The following CRACR2B variants were observed in gnomAD, a reference collection of about 807,000 sequenced individuals.
CRACR2B encodes the protein EF-hand calcium-binding domain-containing protein 4A.
CRACR2B carries 50 observed loss-of-function variants against 46.0 expected under a neutral mutation model. That is an observed-to-expected ratio of 1.09 (90% CI 0.87 to 1.38). CRACR2B has a LOEUF of 1.38. Ranked by LOEUF, CRACR2B falls within the 40% of genes most tolerant of loss-of-function variation. CRACR2B has a pLI of 0.00. For synonymous variants in CRACR2B, 277 were observed against 239.6 expected (o/e 1.16, Z -1.44); for missense variants, 667 against 535.0 (o/e 1.25, Z -2.43).
In CRACR2B at chr11:828,926, T is replaced by C; in HGVS notation, c.240T>C (p.Thr80=). Residue 80 remains threonine, a synonymous_variant, in exon 2 of 9, where the codon ACT becomes ACC. Coordinates refer to ENST00000525077, the MANE Select transcript of CRACR2B (RefSeq NM_001286606.2). ...AVFESLDRAH[T]GFLTAREFCL... is the part of the protein sequence containing the mutation. ...TTGAAAGTCTGGACCGGGCTCACAC[T>C]GGCTTCCTCACCGCCAGGGAGTTCT... 1.9e-6 allele frequency: 3 copies of C among 1,606,978 alleles called. No homozygotes were observed. The highest frequency in any genetic ancestry group is 2.5e-6 in the Non-Finnish European group (3 of 1,179,954).
chr11:831,172 G>A, intron 7 of CRACR2B, 52 bp from the exon 8 acceptor site: 1 of 1,610,212 alleles, frequency 6.2e-7, no homozygotes, highest in Non-Finnish European at 8.5e-7. Flanking sequence ...AGGGGGTCCG[G>A]GGGCTCCCCA....
At chr11:831,065 G>A in intron 7 of CRACR2B, 33 bp downstream of exon 7, 1 of 1,537,108 alleles carries the variant, frequency 6.5e-7, no homozygotes, top group East Asian at 2.5e-5. Context: ...GGGCCCCGGT[G>A]CGTGTCCCGG....
Position 830,333 on chromosome 11 carries a change from G to C in CRACR2B, c.689G>C (p.Ser230Thr). Reference protein sequence around the residue: ...QLREQSRRPPSQNFARGERRS... With the variant: ...QLREQSRRPPTQNFARGERRS... ...CGGGAGCAGAGCCGGCGCCCGCCGAGTCAGGTGGGCCTCGGGCCCCGCCCC... is the reference window on the plus strand; with the variant it reads ...CGGGAGCAGAGCCGGCGCCCGCCGACTCAGGTGGGCCTCGGGCCCCGCCCC... Residue 230 changes from serine (S) to threonine (T), a missense_variant, in exon 5 of 9, where the codon AGT becomes ACT. By Grantham distance (58) the Ser-to-Thr change is moderately conservative. Transcript: ENST00000525077. 2.6e-6 allele frequency: 4 copies of C among 1,535,450 alleles called. No homozygotes were observed. The highest frequency in any genetic ancestry group is 1.4e-5 in the African/African-American group (1 of 73,088).
Position 828,544 on chromosome 11 carries a change from A to G in CRACR2B, c.-64A>G. 2 of 1,502,834 alleles carry G rather than the reference A, an allele frequency of 1.3e-6. No individual in the cohort carries two copies. Among genetic ancestry groups the G allele is most frequent in the Non-Finnish European group, 1.8e-6 (2 of 1,133,618 alleles). 93.1% of individuals were successfully genotyped at this position (1,502,834 alleles called of 1,614,324 possible). A position where few individuals can be genotyped will look rare whatever the true frequency, so the allele number is the denominator to read the frequency against. ...TTGCACCCCATCCGCTCCCCTCCTG[A>G]ATTTCTTCTGACCCTCCCTTGGCTT... On this transcript the variant is annotated 5_prime_UTR_variant, in exon 1 of 9. Transcript: ENST00000525077.
intron 3 of CRACR2B, chr11:829,784 G>A: frequency 8.8e-7 from 1 of 1,134,194 alleles, no homozygotes; most frequent in African/African-American, 1.6e-5. Context: ...GCCACATACC[G>A]GCACTGCCCA....
chr11:830,052 C>A lies in CRACR2B; in HGVS notation c.525C>A (p.Phe175Leu). 1 of 1,563,844 alleles carries A rather than the reference C, an allele frequency of 6.4e-7. No homozygotes were observed. The change falls in exon 4 of 9, where the codon TTC (phenylalanine) becomes TTA (leucine). Residue 175 changes from phenylalanine to leucine, a missense_variant. By Grantham distance (22) the Phe-to-Leu change is conservative. Transcript: ENST00000525077. ...QRERPELLGS[F>L]EDVLIRASAC... ...AGCGCCCCGAGCTGCTGGGCTCTTT[C>A]GAGGATGTTCTGATACGCGCGTCGG...
chr11:829,747 G>A, intron 3 of CRACR2B: 1 of 1,002,986 alleles, frequency 1.0e-6, no homozygotes, highest in Non-Finnish European at 1.4e-6. Context: ...CAGGGCTGCA[G>A]GGAGGAGGGG....
Position 829,469 on chromosome 11 carries a change from T to TGAG in CRACR2B, c.396_398dup (p.Glu136dup), listed in dbSNP as rs745330588. 3.7e-5 allele frequency: 59 copies of TGAG among 1,609,012 alleles called. 1 individual carries two copies. In the African/African-American group the frequency reaches 5.5e-4, roughly 15 times the overall value. On this transcript the variant is annotated inframe_insertion, in exon 3 of 9. Transcript: ENST00000525077. ...TGCAGGGCACGGCGGGCTCTCTGGA[T>TGAG]GAGGAGGAGGAAGAGGAGGAGCGAT...
At position 831,341 on chromosome 11, in the gene CRACR2B, T is replaced by A. The variant is rs753094729; in HGVS notation, c.1025+46T>A. The A allele has an allele frequency of 2.6e-6, 4 of 1,562,078 alleles. No homozygotes were observed. In the African/African-American group the frequency reaches 4.2e-5, roughly 16 times the overall value. ...GAGAGGGAATGGGCTCAGCGGAGCT[T>A]GGGGGCTCCCAGCTCCCCAACATTC... On this transcript the variant is annotated intron_variant, in intron 8 of 8. Transcript: ENST00000525077.
At chr11:826,577 G>A (rs1464995018), upstream of CRACR2B, among the ~76,000 whole-genome samples, 1 of 152,236 alleles carries the variant, frequency 6.6e-6, no homozygotes, top group Non-Finnish European at 1.5e-5. Flanking sequence ...GTTGCCCAGT[G>A]CAATGGCACA....
rs554285465 is a variant in CRACR2B at position 828,597 on chromosome 11, C to T, written c.-11C>T. 14 of 1,583,316 alleles carry T rather than the reference C, an allele frequency of 8.8e-6. No homozygotes were observed. In the South Asian group the frequency reaches 1.0e-4, roughly 12 times the overall value. On this transcript the variant is annotated 5_prime_UTR_variant, in exon 1 of 9. Transcript: ENST00000525077. Reference sequence around the variant, plus strand: ...CAGCACCTGAAGGCCAGGCTGAGGCCCCCTGCTCTCATGGCCAGCCCTGGA... The same window carrying T: ...CAGCACCTGAAGGCCAGGCTGAGGCTCCCTGCTCTCATGGCCAGCCCTGGA...
chr11:829,756 G>A, intron 3 of CRACR2B: 2 of 1,010,054 alleles, frequency 2.0e-6, no homozygotes, highest in African/African-American at 1.6e-5. Context: ...AGGGAGGAGG[G>A]GCAGCGCCGG....
rs1846266122 is a variant in CRACR2B, at chr11:830,068, C to A, written c.541C>A (p.Arg181Ser). Residue 181 changes from arginine (R) to serine (S), a missense_variant, in exon 4 of 9, where the codon CGC (arginine) becomes AGC (serine). Transcript: ENST00000525077. ...GGGCTCTTTCGAGGATGTTCTGATA[C>A]GCGCGTCGGCCTGCCTGGAGGAGGC... ...LLGSFEDVLIRASACLEEAAR... is the reference protein window; with the variant it reads ...LLGSFEDVLISASACLEEAAR... 1.3e-6 allele frequency: 2 copies of A among 1,553,296 alleles called. No individual in the cohort carries two copies. Among genetic ancestry groups the A allele is most frequent in the Admixed American group, 3.7e-5 (2 of 53,554 alleles).
chr11:831,472 G>A, intron 8 of CRACR2B, 63 bp from the exon 9 acceptor site: 1 of 1,511,530 alleles, frequency 6.6e-7, no homozygotes, highest in Non-Finnish European at 8.8e-7. Flanking sequence ...GGGAGTCGGA[G>A]CTCACCTCCC....
chr11:831,504 C>T (rs754823203), intron 8 of CRACR2B, 31 bp from the exon 9 acceptor site: 14 of 1,550,374 alleles, frequency 9.0e-6, no homozygotes, highest in South Asian at 2.4e-5. Context: ...CTCCCTCAGA[C>T]CCTCTCAGTG....
Position 828,304 on chromosome 11 carries a change from C to G in CRACR2B, c.-304C>G. On this transcript the variant is annotated 5_prime_UTR_variant, in exon 1 of 9. Coordinates refer to ENST00000525077, the MANE Select transcript of CRACR2B (RefSeq NM_001286606.2). ...GAGATTGCCATCACCTCCAGCTCCT[C>G]CTCTCCTGAAGTTGGCAGCCCCTCC... is the stretch of plus-strand genomic sequence containing the variant. 2.6e-6 allele frequency: 1 copy of G among 386,082 alleles called. No homozygotes were observed. The highest frequency in any genetic ancestry group is 4.7e-6 in the Non-Finnish European group (1 of 215,004). 23.9% of individuals were successfully genotyped at this position (386,082 alleles called of 1,614,324 possible).
upstream of CRACR2B, chr11:827,809 G>C (rs750657069): frequency 1.3e-5 from 2 of 152,492 alleles, no homozygotes; most frequent in African/African-American, 4.8e-5. Context: ...TGGGAAATCC[G>C]GGATCAGGAC....
At chr11:826,781 C>A (rs999107241), upstream of CRACR2B, among the ~76,000 whole-genome samples, 7 of 152,204 alleles carry the variant, frequency 4.6e-5, no homozygotes, top group African/African-American at 1.7e-4. Context: ...CCTGTCTCAG[C>A]CCCCCAAAGT....
At position 831,678 on chromosome 11, in the gene CRACR2B, G is replaced by C; in HGVS notation, c.1169G>C (p.Arg390Pro). 6.6e-7 allele frequency: 1 copy of C among 1,524,252 alleles called. No homozygotes were observed. The highest frequency in any genetic ancestry group is 2.2e-5 in the Admixed American group (1 of 46,068). 94.4% of individuals were successfully genotyped at this position (1,524,252 alleles called of 1,614,324 possible). Residue 390 changes from arginine (R) to proline (P), a missense_variant, in exon 9 of 9, where the codon CGC (arginine) becomes CCC (proline). By Grantham distance (103) the Arg-to-Pro change is moderately radical (BLOSUM62 -2). Transcript: ENST00000525077. ...TGTTGCTGGGCTCGGCCCCCCAGAC[G>C]CGGCTCTGGCCACCTTCCCAGTGCC... Reference protein sequence around the residue: ...CCCCWARPPRRGSGHLPSAR With the variant: ...CCCCWARPPRPGSGHLPSAR
Sources: allele counts gnomAD v4.1 joint callset (sites outside exome capture counted in the v4.1 genomes callset), GRCh38; gene constraint gnomAD v4.1.1; transcripts MANE v1.5; gene names NCBI Gene and HGNC (gene_info 2026-07-23, HGNC 2026-07-21).